The following STPG2 variants were observed in gnomAD, a reference collection of about 807,000 sequenced individuals.
The protein encoded by STPG2 is sperm tail PG-rich repeat containing 2.
In STPG2, 56 loss-of-function variants were observed where a neutral mutation model predicts 54.2. The observed-to-expected ratio is 1.03, with a 90% CI of 0.83 to 1.29. The LOEUF (loss-of-function observed/expected upper bound fraction) is 1.29. Ranked by LOEUF, STPG2 falls within the 50% of genes most tolerant of loss-of-function variation. STPG2 has a pLI of 0.00. For missense variants in STPG2, 596 were observed against 544.9 expected (o/e 1.09, Z -0.93); for synonymous variants, 200 against 181.8 (o/e 1.10, Z -0.81).
At chr4:97,958,244 A>G (rs1490486940) in intron 7 of STPG2, among the ~76,000 whole-genome samples, 1 of 152,088 alleles carries the variant, frequency 6.6e-6, no homozygotes, top group Non-Finnish European at 1.5e-5. Context: ...TGGGAGGTGG[A>G]CATTGCAGTG....
At chr4:97,916,172 T>C (rs1485207336) in intron 8 of STPG2, among the ~76,000 whole-genome samples, 1 of 152,162 alleles carries the variant, frequency 6.6e-6, no homozygotes, top group Non-Finnish European at 1.5e-5. Flanking sequence ...CAATAAGCTA[T>C]ATTATCATAT....
intron 8 of STPG2, among the ~76,000 whole-genome samples, chr4:97,908,631 A>G (rs754536875): frequency 2.0e-5 from 3 of 151,928 alleles, no homozygotes; most frequent in Non-Finnish European, 4.4e-5. Context: ...TCCAACAATG[A>G]TAGACTGGAT....
At chr4:97,599,395 G>A (rs1733394327) in intron 10 of STPG2, among the ~76,000 whole-genome samples, 1 of 152,086 alleles carries the variant, frequency 6.6e-6, no homozygotes, top group Non-Finnish European at 1.5e-5. Context: ...CCCATTATTG[G>A]GTATGTTCCC....
At position 97,638,030 on chromosome 4, in the gene STPG2, C is replaced by A. The variant is rs553951662; in HGVS notation, c.1320+74669G>T. On this transcript the variant is annotated intron_variant, in intron 10 of 10. Transcript: ENST00000295268. ...TATGGAACCAAAAAAGAGCCCGCATCGCCAAGTCAATCCTAAGCCAAAAGA... is the reference window on the plus strand; with the variant it reads ...TATGGAACCAAAAAAGAGCCCGCATAGCCAAGTCAATCCTAAGCCAAAAGA... Among the ~76,000 whole-genome samples the A allele has an allele frequency of 1.1e-4, 17 of 152,070 alleles. No homozygotes were observed. In the East Asian group the frequency reaches 2.9e-3, roughly 26 times the overall value.
chr4:98,113,298 C>T (rs1341303936), intron 3 of STPG2, among the ~76,000 whole-genome samples: 1 of 151,840 alleles, frequency 6.6e-6, no homozygotes, highest in Non-Finnish European at 1.5e-5. Context: ...CTGAGACAGC[C>T]CCCAGGGATG....
At chr4:97,942,902 T>C (rs1024675574) in intron 8 of STPG2, among the ~76,000 whole-genome samples, 1 of 152,220 alleles carries the variant, frequency 6.6e-6, no homozygotes, top group Non-Finnish European at 1.5e-5. Context: ...TCTACAAAAA[T>C]GTATTTTAAT....
intron 3 of STPG2, among the ~76,000 whole-genome samples, chr4:98,120,036 T>C (rs1002484622): frequency 3.9e-5 from 6 of 152,308 alleles, no homozygotes; most frequent in African/African-American, 1.4e-4. Flanking sequence ...GCTTTACTAT[T>C]GTGAATAGTG....
chr4:97,742,714 TA>T (rs957288972), intron 9 of STPG2, among the ~76,000 whole-genome samples: 2 of 145,824 alleles, frequency 1.4e-5, no homozygotes, highest in African/African-American at 5.1e-5. Flanking sequence ...GTGGAATATT[TA>T]AAAAAAAACA....
At chr4:97,471,895 T>C (rs955553882) in intron 4 of STPG2, among the ~76,000 whole-genome samples, 1 of 152,184 alleles carries the variant, frequency 6.6e-6, no homozygotes, top group African/African-American at 2.4e-5. Flanking sequence ...CAAGTTTTCA[T>C]ACAGCAGGTA....
chr4:98,143,174 T>G lies in STPG2; in HGVS notation c.-24A>C. 1 of 1,587,790 alleles carries G rather than the reference T, an allele frequency of 6.3e-7. No individual in the cohort carries two copies. The highest frequency in any genetic ancestry group is 8.6e-7 in the Non-Finnish European group (1 of 1,159,138). On this transcript the variant is annotated 5_prime_UTR_variant, in exon 1 of 11. Transcript: ENST00000295268. Reference sequence around the variant, plus strand: ...ATAGTGCTCGGGGTGGTGGGGGCGCTGGGGAAGGGCAGGTGCCGAAAACGA... The same window carrying G: ...ATAGTGCTCGGGGTGGTGGGGGCGCGGGGGAAGGGCAGGTGCCGAAAACGA...
intron 5 of STPG2, among the ~76,000 whole-genome samples, chr4:98,052,490 C>T (rs1289285424): frequency 6.6e-6 from 1 of 152,156 alleles, no homozygotes; most frequent in Non-Finnish European, 1.5e-5. Context: ...CCTTTCAGAT[C>T]TCTGTCTAAG....
At chr4:98,087,595 C>G (rs906258010) in intron 5 of STPG2, among the ~76,000 whole-genome samples, 1 of 138,194 alleles carries the variant, frequency 7.2e-6, no homozygotes, top group Non-Finnish European at 1.5e-5. Flanking sequence ...GAGTCTGGCT[C>G]TGTCGCTCAG....
intron 8 of STPG2, among the ~76,000 whole-genome samples, chr4:97,894,911 T>C (rs10005173): frequency 0.37 from 56,642 of 151,740 alleles, 10,644 homozygotes; most frequent in Middle Eastern, 0.46. Context: ...AAGAAAAATA[T>C]TTAAAAATTA....
chr4:97,717,620 T>A (rs1413985478), intron 9 of STPG2, among the ~76,000 whole-genome samples: 3 of 152,182 alleles, frequency 2.0e-5, no homozygotes, highest in Non-Finnish European at 4.4e-5. Context: ...CCATAAGCCC[T>A]GTCAAGTGAA....
At chr4:97,472,622 T>C (rs1729965284) in intron 4 of STPG2, among the ~76,000 whole-genome samples, 1 of 152,204 alleles carries the variant, frequency 6.6e-6, no homozygotes, top group Non-Finnish European at 1.5e-5. Flanking sequence ...TATTACCTAA[T>C]TATTAACTGT....
chr4:97,524,948 A>T (rs1198365349), intron 4 of STPG2, among the ~76,000 whole-genome samples: 1 of 151,976 alleles, frequency 6.6e-6, no homozygotes, highest in Non-Finnish European at 1.5e-5. Flanking sequence ...AATTGTTTTA[A>T]TATAGGACCT....
At chr4:97,459,491 G>A (rs1247827100) in intron 4 of STPG2, among the ~76,000 whole-genome samples, 1 of 147,380 alleles carries the variant, frequency 6.8e-6, no homozygotes, top group Non-Finnish European at 1.5e-5. Context: ...CCAGGCTGGA[G>A]TGCAGTGGCG....
intron 3 of STPG2, among the ~76,000 whole-genome samples, chr4:98,118,412 C>T (rs2110152988): frequency 6.6e-6 from 1 of 152,076 alleles, no homozygotes; most frequent in Non-Finnish European, 1.5e-5. Context: ...TGGGATTAAG[C>T]AAATAGGTAC....
intron 9 of STPG2, among the ~76,000 whole-genome samples, chr4:97,716,865 G>A (rs1486630905): frequency 6.6e-6 from 1 of 151,854 alleles, no homozygotes; most frequent in Non-Finnish European, 1.5e-5. Flanking sequence ...ATGTATCCCA[G>A]ATCTTAAAGT....
Sources: allele counts gnomAD v4.1 joint callset (sites outside exome capture counted in the v4.1 genomes callset), GRCh38; gene constraint gnomAD v4.1.1; transcripts MANE v1.5; gene names NCBI Gene and HGNC (gene_info 2026-07-23, HGNC 2026-07-21).